Variants in CNIH3 observed in about 807,000 individuals in gnomAD.
The protein encoded by CNIH3 is cornichon family AMPA receptor auxiliary protein 3.
In CNIH3, 14 loss-of-function variants were observed where a neutral mutation model predicts 24.1. The observed-to-expected ratio is 0.58, with a 90% CI of 0.38 to 0.91. The LOEUF (loss-of-function observed/expected upper bound fraction) is 0.91, where lower values mean the gene tolerates loss of function less well. Among genes scored for constraint, CNIH3 ranks in the 40% least tolerant of loss-of-function variants. The probability of loss-of-function intolerance (pLI) is 0.00; values close to 1 mark genes in which losing one functional copy is unlikely to be tolerated. For missense variants in CNIH3, 178 were observed against 196.8 expected, an observed-to-expected ratio of 0.90 and a Z score of 0.57; for synonymous variants, 68 against 73.8, an observed-to-expected ratio of 0.92 and a Z score of 0.40.
Position 224,684,700 on chromosome 1 carries a change from T to A in CNIH3, c.151-96T>A, listed in dbSNP as rs1686567289. ...CCCAGGAGGGGTCTCTGGTGGCTTC[T>A]GCCTCCACTATTGGGGCTGATTGCG... On this transcript the variant is annotated intron_variant, in intron 2 of 5. Transcript: ENST00000272133. This position sits in a 1 kb window ranked among gnomAD's most constrained non-coding sequence, Gnocchi z 4.2. 1 of 1,110,684 alleles carries A rather than the reference T, an allele frequency of 9.0e-7. No homozygotes were observed. 68.8% of individuals were successfully genotyped at this position (1,110,684 alleles called of 1,614,324 possible).
chr1:224,444,478 C>A (rs1675060179), intron 1 of CNIH3, among the ~76,000 whole-genome samples: 1 of 152,044 alleles, frequency 6.6e-6, no homozygotes, highest in African/African-American at 2.4e-5. Context: ...CCTGCCTCAG[C>A]CTCCCAAGCA....
chr1:224,545,699 G>A (rs1193047759), intron 2 of CNIH3, among the ~76,000 whole-genome samples: 1 of 152,228 alleles, frequency 6.6e-6, no homozygotes, highest in Non-Finnish European at 1.5e-5. Flanking sequence ...GTCTGGGTCA[G>A]GGACTTGTGG....
At chr1:224,546,411 A>G (rs537241316) in intron 2 of CNIH3, among the ~76,000 whole-genome samples, 1 of 152,304 alleles carries the variant, frequency 6.6e-6, no homozygotes, top group East Asian at 1.9e-4. Flanking sequence ...CTGTGGTGCC[A>G]TCAGTTAGCA....
rs150211364 is a variant in CNIH3 at position 224,584,574 on chromosome 1, G to A, written n.620+1307G>A. 1.1e-4 allele frequency among the ~76,000 whole-genome samples: 17 copies of A among 152,260 alleles called. No homozygotes were observed. In the East Asian group the frequency reaches 3.1e-3, roughly 28 times the overall value. ...TTCTTTTTGTCATGGAAGAAAGACT[G>A]GTAAAAATATTCACATTTGCAGTCA... is the stretch of plus-strand genomic sequence containing the variant. On this transcript the variant is annotated intron_variant and non_coding_transcript_variant, in intron 5 of 5. Transcript: ENST00000471578.
intron 1 of CNIH3, among the ~76,000 whole-genome samples, chr1:224,674,694 G>A (rs1317540718): frequency 6.6e-6 from 1 of 151,980 alleles, no homozygotes; most frequent in African/African-American, 2.4e-5. Flanking sequence ...TGGTGGGTAG[G>A]GATAGGGTTC....
At chr1:224,582,662 TG>T (rs763291560) in intron 4 of CNIH3, among the ~76,000 whole-genome samples, 22 of 152,074 alleles carry the variant, frequency 1.4e-4, no homozygotes, top group Non-Finnish European at 2.8e-4. Context: ...GAAATCAGCG[TG>T]GGGGACTCCA....
intron 4 of CNIH3, 108 bp from the exon 5 acceptor site, chr1:224,734,455 A>G (rs1689492222): frequency 1.8e-6 from 2 of 1,135,784 alleles, no homozygotes; most frequent in African/African-American, 3.1e-5. Flanking sequence ...AAGGCAGGCA[A>G]TTGCTTGGCA....
intron 2 of CNIH3, among the ~76,000 whole-genome samples, chr1:224,683,684 G>A (rs1449680991): frequency 3.3e-5 from 5 of 152,328 alleles, no homozygotes; most frequent in South Asian, 2.1e-4. Context: ...TTTACTCCTC[G>A]TTTCTCATGT....
intron 3 of CNIH3, among the ~76,000 whole-genome samples, chr1:224,694,850 TATC>T (rs1214483442): frequency 6.6e-6 from 1 of 152,114 alleles, no homozygotes. Flanking sequence ...GAAATCCAAA[TATC>T]ATATATTCTC....
chr1:224,580,998 A>G (rs189071740), intron 4 of CNIH3, among the ~76,000 whole-genome samples: 1 of 152,238 alleles, frequency 6.6e-6, no homozygotes, highest in East Asian at 1.9e-4. Flanking sequence ...GTTAATTTAC[A>G]TTGTCAGGGT....
intron 1 of CNIH3, among the ~76,000 whole-genome samples, chr1:224,676,987 C>T (rs1686170965): frequency 6.6e-6 from 1 of 152,186 alleles, no homozygotes; most frequent in Non-Finnish European, 1.5e-5. Context: ...TCTGTATGTA[C>T]TTGGAGGCAG....
At position 224,458,312 on chromosome 1, in the gene CNIH3, A is replaced by C. The variant is rs912346423; in HGVS notation, n.203+23450A>C. On this transcript the variant is annotated intron_variant and non_coding_transcript_variant, in intron 1 of 5. Transcript: ENST00000471578. This position sits in a 1 kb window ranked among gnomAD's most constrained non-coding sequence, Gnocchi z 4.3. ...GCAGGGAAGGCAGCAGTGCTCTGTCAGTATTGATTCTTCAGGGGCAGGCTG... is the reference window on the plus strand; with the variant it reads ...GCAGGGAAGGCAGCAGTGCTCTGTCCGTATTGATTCTTCAGGGGCAGGCTG... 1.3e-5 allele frequency among the ~76,000 whole-genome samples: 2 copies of C among 152,200 alleles called. No individual in the cohort carries two copies. The highest frequency in any genetic ancestry group is 2.9e-5 in the Non-Finnish European group (2 of 68,032).
chr1:224,586,030 T>C (rs1195336429), intron 5 of CNIH3, among the ~76,000 whole-genome samples: 1 of 152,150 alleles, frequency 6.6e-6, no homozygotes. Context: ...ACTCAGGACA[T>C]CATGGAGGAA....
At chr1:224,574,653 T>C in intron 4 of CNIH3, 2 of 968,366 alleles carry the variant, frequency 2.1e-6, no homozygotes, top group Non-Finnish European at 3.4e-6. Flanking sequence ...TGAGGAGCTC[T>C]TCATCACCAG....
chr1:224,691,377 T>C (rs1686925305), intron 3 of CNIH3, among the ~76,000 whole-genome samples: 2 of 152,352 alleles, frequency 1.3e-5, no homozygotes, highest in Middle Eastern at 3.4e-3. Flanking sequence ...CCACTGATAC[T>C]TGGCTCTGCC....
rs181600239 is a variant in CNIH3 at position 224,642,790 on chromosome 1, G to A, written c.81+25535G>A. Among the ~76,000 whole-genome samples the A allele has an allele frequency of 4.3e-3, 650 of 152,312 alleles. 8 individuals carry two copies. Among genetic ancestry groups the A allele is most frequent in the Non-Finnish European group, 3.7e-3 (250 of 68,042 alleles). ...GAACTGCACATATATCAGAGAGGCT[G>A]TTATGAAAGAAAACCCACACATATC... is the stretch of plus-strand genomic sequence containing the variant. On this transcript the variant is annotated intron_variant, in intron 1 of 5. Transcript: ENST00000272133.
chr1:224,470,779 A>G (rs768055684), intron 1 of CNIH3, among the ~76,000 whole-genome samples: 1 of 152,074 alleles, frequency 6.6e-6, no homozygotes, highest in Non-Finnish European at 1.5e-5. Flanking sequence ...TTCTTTAAAG[A>G]TGTTGTTCCA....
chr1:224,517,421 C>G (rs953704082), intron 1 of CNIH3, among the ~76,000 whole-genome samples: 1 of 152,136 alleles, frequency 6.6e-6, no homozygotes, highest in Admixed American at 6.5e-5. Flanking sequence ...GCGTTTGATG[C>G]CTCGCCTTCC....
intron 3 of CNIH3, among the ~76,000 whole-genome samples, chr1:224,607,481 T>G (rs904832051): frequency 3.3e-5 from 5 of 152,190 alleles, no homozygotes; most frequent in Non-Finnish European, 7.3e-5. Context: ...GAATCTACAT[T>G]TTTCATTTGA....
Sources: allele counts gnomAD v4.1 joint callset (sites outside exome capture counted in the v4.1 genomes callset), GRCh38; gene constraint gnomAD v4.1.1; non-coding constraint Gnocchi (gnomAD v3.1); transcripts MANE v1.5; gene names NCBI Gene and HGNC (gene_info 2026-07-23, HGNC 2026-07-21).